DOCK3: variants seen among roughly 807,000 people sequenced by gnomAD.
The protein encoded by DOCK3 is dedicator of cytokinesis 3, also known as dedicator of cytokinesis protein 3.
A neutral mutation model predicts 265.6 loss-of-function variants in DOCK3; 60 were observed. The ratio of observed to expected loss-of-function variants is 0.23; its 90% confidence interval spans 0.18 to 0.28. DOCK3 has a LOEUF of 0.28. Among genes scored for constraint, DOCK3 ranks in the 10% least tolerant of loss-of-function variants. DOCK3 has a pLI of 1.00. For missense variants in DOCK3, 1,981 were observed against 2,594.3 expected, an observed-to-expected ratio of 0.76 and a Z score of 5.14; for synonymous variants, 881 against 938.0, an observed-to-expected ratio of 0.94 and a Z score of 1.11.
intron 1 of DOCK3, among the ~76,000 whole-genome samples, chr3:50,731,029 G>C (rs924431990): frequency 1.1e-4 from 17 of 151,724 alleles, no homozygotes; most frequent in African/African-American, 4.1e-4. Flanking sequence ...CTACTTGGGA[G>C]GCTGAGGCAG....
At chr3:51,175,904 G>T (rs2086919830) in intron 12 of DOCK3, among the ~76,000 whole-genome samples, 2 of 152,046 alleles carry the variant, frequency 1.3e-5, no homozygotes, top group Admixed American at 1.3e-4. Context: ...ATCTATCCAG[G>T]ACCATTATCT....
intron 1 of DOCK3, among the ~76,000 whole-genome samples, chr3:50,707,678 G>T (rs951166347): frequency 6.6e-6 from 1 of 152,122 alleles, no homozygotes; most frequent in African/African-American, 2.4e-5. Flanking sequence ...TTGTGGGTCT[G>T]AGCTGGGTCA....
intron 26 of DOCK3, chr3:51,278,474 T>C: frequency 1.0e-6 from 1 of 985,366 alleles, no homozygotes; most frequent in Non-Finnish European, 1.2e-6. Flanking sequence ...GAAAACCCTC[T>C]GGAGCAAGCC....
At chr3:51,250,977 G>A (rs534438098) in intron 22 of DOCK3, among the ~76,000 whole-genome samples, 19 of 152,142 alleles carry the variant, frequency 1.2e-4, no homozygotes, top group African/African-American at 3.6e-4. Context: ...CCATTAACTC[G>A]TCATTTACAT....
chr3:51,295,173 A>T (rs2082011106), intron 27 of DOCK3, among the ~76,000 whole-genome samples: 1 of 152,210 alleles, frequency 6.6e-6, no homozygotes, highest in Non-Finnish European at 1.5e-5. Context: ...ATAAAGAAAA[A>T]GGGTTTATTT....
intron 9 of DOCK3, among the ~76,000 whole-genome samples, chr3:51,117,698 A>G (rs60105270): frequency 6.6e-6 from 1 of 152,066 alleles, no homozygotes; most frequent in Non-Finnish European, 1.5e-5. Flanking sequence ...GGGAGAGTGT[A>G]TGTGTCTAGG....
At position 51,277,708 on chromosome 3, in the gene DOCK3, A is replaced by G; in HGVS notation, c.2777A>G (p.Glu926Gly). The G allele has an allele frequency of 6.2e-7, 1 of 1,611,652 alleles. No individual in the cohort carries two copies. Among genetic ancestry groups the G allele is most frequent in the Non-Finnish European group, 8.5e-7 (1 of 1,179,224 alleles). ...ATCATGAGCAAATCGCACGCTCAGG[A>G]GGCGGTAAGAGGGCAGCGGTGCCCG... Reference protein sequence around the residue: ...LTIMSKSHAQEAVRGQRCPQC... With the variant: ...LTIMSKSHAQGAVRGQRCPQC... The change falls in exon 26 of 53, where the codon GAG (glutamate) becomes GGG (glycine). Residue 926 changes from glutamate (E) to glycine (G), a missense_variant. Glu to Gly is a moderately conservative substitution (Grantham distance 98). Coordinates refer to ENST00000266037, the MANE Select transcript of DOCK3 (RefSeq NM_004947.5).
chr3:50,773,563 G>T (rs1296131261), intron 1 of DOCK3, among the ~76,000 whole-genome samples: 1 of 152,108 alleles, frequency 6.6e-6, no homozygotes, highest in Non-Finnish European at 1.5e-5. Context: ...GTGCTCCAGA[G>T]ATTGAAATTT....
At chr3:50,871,566 A>G (rs1349300979) in intron 3 of DOCK3, among the ~76,000 whole-genome samples, 2 of 151,926 alleles carry the variant, frequency 1.3e-5, no homozygotes, top group Admixed American at 6.6e-5. Flanking sequence ...GTCTCTCGCT[A>G]TGTTTGGAGG....
chr3:50,809,014 G>A (rs192329942), intron 2 of DOCK3, among the ~76,000 whole-genome samples: 3 of 152,220 alleles, frequency 2.0e-5, no homozygotes, highest in African/African-American at 7.2e-5. Flanking sequence ...CTTGAAGAAA[G>A]CATAGGAAAC....
At position 51,208,790 on chromosome 3, in the gene DOCK3, G is replaced by A; in HGVS notation, c.1054G>A (p.Glu352Lys). The part of the protein sequence containing the change: ...LKVYTCNNES[E>K]WSQIHENIIR... Reference sequence around the variant, plus strand: ...CTGTTACAGGTGCAACAACGAGAGTGAGTGGTCCCAGATCCACGAGAACAT... The same window carrying A: ...CTGTTACAGGTGCAACAACGAGAGTAAGTGGTCCCAGATCCACGAGAACAT... The change falls in exon 13 of 53, where the codon GAG becomes AAG. Residue 352 changes from glutamate (E) to lysine (K), a missense_variant. Transcript: ENST00000266037. 1.9e-6 allele frequency: 3 copies of A among 1,610,806 alleles called. No individual in the cohort carries two copies. The highest frequency in any genetic ancestry group is 1.7e-6 in the Non-Finnish European group (2 of 1,178,716).
chr3:50,973,409 A>C (rs2077320045), intron 5 of DOCK3, among the ~76,000 whole-genome samples: 1 of 142,096 alleles, frequency 7.0e-6, no homozygotes, highest in Non-Finnish European at 1.5e-5. Flanking sequence ...TGTTCTTGCG[A>C]TAGTTTACTG....
chr3:51,263,469 C>A (rs1490886521), intron 23 of DOCK3, among the ~76,000 whole-genome samples: 1 of 152,180 alleles, frequency 6.6e-6, no homozygotes, highest in Non-Finnish European at 1.5e-5. Flanking sequence ...CAAAAACATA[C>A]CAAATTATAA....
At chr3:50,920,700 C>T (rs1352982303) in intron 4 of DOCK3, among the ~76,000 whole-genome samples, 1 of 152,148 alleles carries the variant, frequency 6.6e-6, no homozygotes. Context: ...AGAAAACCAG[C>T]TCCTGTATTT....
intron 5 of DOCK3, among the ~76,000 whole-genome samples, chr3:50,975,735 A>G (rs2077421114): frequency 6.6e-6 from 1 of 152,110 alleles, no homozygotes; most frequent in Admixed American, 6.5e-5. Flanking sequence ...TCCTCCTTGT[A>G]CTTCTGGTAG....
At chr3:50,677,483 A>G (rs1368689176) in intron 1 of DOCK3, among the ~76,000 whole-genome samples, 1 of 152,248 alleles carries the variant, frequency 6.6e-6, no homozygotes, top group Non-Finnish European at 1.5e-5. Flanking sequence ...GCTTGAAAAT[A>G]TAACCATTAT....
chr3:51,333,976 G>A (rs1279630653), intron 35 of DOCK3, among the ~76,000 whole-genome samples: 2 of 151,926 alleles, frequency 1.3e-5, no homozygotes, highest in Non-Finnish European at 2.9e-5. Flanking sequence ...GAGTAGCTGG[G>A]GCTACAAGCT....
At chr3:51,362,492 A>G in intron 48 of DOCK3, 35 bp from the exon 49 acceptor site, 5 of 1,611,814 alleles carry the variant, frequency 3.1e-6, no homozygotes, top group Non-Finnish European at 4.2e-6. Context: ...CTGGCCATTC[A>G]GACCTCTATC....
intron 2 of DOCK3, among the ~76,000 whole-genome samples, chr3:50,814,725 G>A (rs953792295): frequency 6.6e-6 from 1 of 152,074 alleles, no homozygotes; most frequent in African/African-American, 2.4e-5. Context: ...TTATCTTAAA[G>A]AATTATATTT....
Sources: gnomAD v4.1 joint callset for allele counts (sites outside exome capture counted in the v4.1 genomes callset) on GRCh38, gnomAD v4.1.1 for gene constraint, MANE v1.5 for transcripts, NCBI Gene and HGNC (gene_info 2026-07-23, HGNC 2026-07-21) for gene names.